FAM118B: variants seen among roughly 807,000 people sequenced by gnomAD.
FAM118B encodes the protein protein FAM118B.
Under a neutral mutation model 38.5 loss-of-function variants are expected in FAM118B, and 24 were observed. The ratio of observed to expected loss-of-function variants is 0.62; its 90% CI spans 0.45 to 0.88. The LOEUF (loss-of-function observed/expected upper bound fraction) is 0.88. Among genes scored for constraint, FAM118B ranks in the 40% least tolerant of loss-of-function variants. FAM118B has a pLI of 0.00. For synonymous variants in FAM118B, 138 were observed against 156.3 expected, an observed-to-expected ratio of 0.88 and a Z score of 0.87; for missense variants, 334 against 420.0, an observed-to-expected ratio of 0.80 and a Z score of 1.79.
intron 2 of FAM118B, among the ~76,000 whole-genome samples, chr11:126,233,247 G>A (rs980949631): frequency 8.6e-5 from 13 of 151,894 alleles, no homozygotes; most frequent in Non-Finnish European, 1.8e-4. Flanking sequence ...AGGCTGAGGC[G>A]GGCGGATCAC....
At chr11:126,261,610 A>G in intron 8 of FAM118B, 126 bp downstream of exon 8, 1 of 706,524 alleles carries the variant, frequency 1.4e-6, no homozygotes, top group Non-Finnish European at 2.4e-6. Context: ...CACTGTAGAG[A>G]ATGATTTTCC....
At chr11:126,219,355 T>C in intron 1 of FAM118B, among the ~76,000 whole-genome samples, 2 of 19,600 alleles carry the variant, frequency 1.0e-4, no homozygotes, top group Non-Finnish European at 2.2e-4. Flanking sequence ...TTATCTTTTT[T>C]TTTTTTTTTT....
intron 1 of FAM118B, among the ~76,000 whole-genome samples, chr11:126,213,008 G>A (rs186728749): frequency 4.9e-4 from 74 of 152,290 alleles, no homozygotes; most frequent in Admixed American, 2.9e-3. Context: ...CAATCTAGGT[G>A]GTCAGTGATG....
At chr11:126,216,432 C>T (rs1949979978) in intron 1 of FAM118B, among the ~76,000 whole-genome samples, 1 of 152,102 alleles carries the variant, frequency 6.6e-6, no homozygotes, top group South Asian at 2.1e-4. Context: ...CCTCAAAGTC[C>T]CATTCTTTAG....
chr11:126,235,096 G>T lies in FAM118B; in HGVS notation c.86+9G>T. ...CCCACCAAAAAGCCCAGGTAAACAA[G>T]AGAAGGGAATCAGCAGAGTAAATTA... On this transcript the variant is annotated intron_variant, in intron 3 of 8. Coordinates refer to ENST00000533050, the MANE Select transcript of FAM118B (RefSeq NM_024556.4). 6.2e-7 allele frequency: 1 copy of T among 1,613,078 alleles called. No homozygotes were observed. The highest frequency in any genetic ancestry group is 1.3e-5 in the African/African-American group (1 of 75,004).
At position 126,251,974 on chromosome 11, in the gene FAM118B, G is replaced by A. The variant is rs999211579; in HGVS notation, c.567+1241G>A. 3.5e-5 allele frequency among the ~76,000 whole-genome samples: 5 copies of A among 142,976 alleles called. No homozygotes were observed. The South Asian group carries it at 8.8e-4, about 25-fold the overall frequency. 93.8% of individuals were successfully genotyped at this position (142,976 alleles called of 152,430 possible). ...TGGGATTACAGGCATGTGCCTGGCC[G>A]TTTTGTTTTGTTTTGTTTTGTTTTG... On this transcript the variant is annotated intron_variant, in intron 5 of 8. Coordinates refer to ENST00000533050, the MANE Select transcript of FAM118B (RefSeq NM_024556.4).
chr11:126,237,911 T>G (rs911053399), intron 3 of FAM118B, among the ~76,000 whole-genome samples: 5 of 151,822 alleles, frequency 3.3e-5, no homozygotes, highest in African/African-American at 7.2e-5. Flanking sequence ...CATTGTTTTC[T>G]TTTAATTTTT....
chr11:126,248,589 C>G (rs547139226), intron 4 of FAM118B, among the ~76,000 whole-genome samples: 48 of 152,044 alleles, frequency 3.2e-4, no homozygotes, highest in Middle Eastern at 6.8e-3. Flanking sequence ...CCAGGATGGT[C>G]TCGATCTCTT....
At chr11:126,218,203 G>A (rs764100726) in intron 1 of FAM118B, among the ~76,000 whole-genome samples, 19 of 152,160 alleles carry the variant, frequency 1.2e-4, no homozygotes, top group Non-Finnish European at 2.2e-4. Context: ...CAGAGGGCCC[G>A]CTGGAGTATT....
intron 1 of FAM118B, among the ~76,000 whole-genome samples, chr11:126,212,877 A>G (rs574181019): frequency 6.6e-6 from 1 of 152,218 alleles, no homozygotes; most frequent in Non-Finnish European, 1.5e-5. Context: ...CGAGTAGGGC[A>G]GAGAGACTCC....
chr11:126,220,570 C>T (rs2135129644), intron 1 of FAM118B, among the ~76,000 whole-genome samples: 1 of 152,124 alleles, frequency 6.6e-6, no homozygotes, highest in South Asian at 2.1e-4. Context: ...TAAAAATTAG[C>T]CAGGTGTGGT....
rs1276684093 is a variant in FAM118B, at chr11:126,252,794, G to T, written c.568-1511G>T. Among the ~76,000 whole-genome samples the T allele has an allele frequency of 2.0e-5, 3 of 152,146 alleles. No individual in the cohort carries two copies. Among genetic ancestry groups the T allele is most frequent in the African/African-American group, 7.2e-5 (3 of 41,422 alleles). On this transcript the variant is annotated intron_variant, in intron 5 of 8. Transcript: ENST00000533050. The surrounding 1 kb of genome is among the most constrained non-coding windows in gnomAD (Gnocchi z 4.7). ...TCACGTCTGTAATCCCAGCATTTTG[G>T]GTGGCCGAGGTGGGTGGATCACTTG...
At chr11:126,226,572 G>C (rs986915950) in intron 1 of FAM118B, among the ~76,000 whole-genome samples, 2 of 152,204 alleles carry the variant, frequency 1.3e-5, no homozygotes, top group Non-Finnish European at 2.9e-5. Context: ...CCCCCGGCAG[G>C]GCTGCATATA....
intron 1 of FAM118B, among the ~76,000 whole-genome samples, chr11:126,223,103 AG>A (rs562223966): frequency 7.7e-4 from 29 of 37,834 alleles, no homozygotes; most frequent in Admixed American, 1.6e-3. Context: ...GGGGCGGGGG[AG>A]GGGGGGGTGT....
chr11:126,231,461 C>T (rs2135149844), intron 2 of FAM118B, among the ~76,000 whole-genome samples: 1 of 152,084 alleles, frequency 6.6e-6, no homozygotes, highest in East Asian at 1.9e-4. Flanking sequence ...ATGGTTTGTG[C>T]TTATATGCCA....
In FAM118B at chr11:126,241,023, C is replaced by A; in HGVS notation, c.318C>A (p.Asp106Glu). Reference sequence around the variant, plus strand: ...AGAACCTGGTCCATGTTGCCCATGACCTTATCCAGAAACTCTCTCCTGTGA... The same window carrying A: ...AGAACCTGGTCCATGTTGCCCATGAACTTATCCAGAAACTCTCTCCTGTGA... ...EDKNLVHVAHDLIQKLSPRTS... is the reference protein window; with the variant it reads ...EDKNLVHVAHELIQKLSPRTS... The change falls in exon 4 of 9, where the codon GAC (aspartate) becomes GAA (glutamate). Residue 106 changes from aspartate (D) to glutamate (E), a missense_variant. By Grantham distance (45) the Asp-to-Glu change is conservative (BLOSUM62 2). This residue lies in a region of FAM118B where 240 missense variants were observed against 295.9 expected (regional missense o/e 0.81). Coordinates refer to ENST00000533050, the MANE Select transcript of FAM118B (RefSeq NM_024556.4). 1.2e-6 allele frequency: 2 copies of A among 1,602,578 alleles called. No individual in the cohort carries two copies. Among genetic ancestry groups the A allele is most frequent in the Non-Finnish European group, 1.7e-6 (2 of 1,173,738 alleles).
At chr11:126,239,028 A>T (rs1446273627) in intron 3 of FAM118B, among the ~76,000 whole-genome samples, 1 of 145,860 alleles carries the variant, frequency 6.9e-6, no homozygotes, top group African/African-American at 2.6e-5. Context: ...GCTGGAGTGC[A>T]GTGGCACAAA....
rs373743291 is a variant in FAM118B at position 126,262,778 on chromosome 11, T to C, written c.*645T>C. On this transcript the variant is annotated 3_prime_UTR_variant, in exon 9 of 9. Transcript: ENST00000533050. The stretch of plus-strand genomic sequence containing the variant: ...TCTTTCTCCTTGGGGTGGAGTGATC[T>C]CATTCTCAGGACAACCGTTTACTTA... The C allele has an allele frequency of 2.0e-5, 3 of 152,590 alleles. No individual in the cohort carries two copies. Among genetic ancestry groups the C allele is most frequent in the African/African-American group, 7.2e-5 (3 of 41,458 alleles). 9.5% of individuals were successfully genotyped at this position (152,590 alleles called of 1,614,324 possible).
rs1034677350 is a variant in FAM118B, at chr11:126,244,163, T to G, written c.339+3119T>G. Among the ~76,000 whole-genome samples the G allele has an allele frequency of 1.3e-5, 2 of 152,208 alleles. No homozygotes were observed. Among genetic ancestry groups the G allele is most frequent in the African/African-American group, 4.8e-5 (2 of 41,452 alleles). On this transcript the variant is annotated intron_variant, in intron 4 of 8. Transcript: ENST00000533050. The surrounding 1 kb of genome is among the most constrained non-coding windows in gnomAD (Gnocchi z 4.5). ...TATTTAATGGTGAAAGACTGGATTTTTTCCACTAAGATCAGCAGCAAGACA... is the reference window on the plus strand; with the variant it reads ...TATTTAATGGTGAAAGACTGGATTTGTTCCACTAAGATCAGCAGCAAGACA...
Sources: allele counts gnomAD v4.1 joint callset (sites outside exome capture counted in the v4.1 genomes callset), GRCh38; gene constraint gnomAD v4.1.1; regional missense constraint gnomAD v4.1.1; non-coding constraint Gnocchi (gnomAD v3.1); transcripts MANE v1.5; gene names NCBI Gene and HGNC (gene_info 2026-07-23, HGNC 2026-07-21).